The following ETV7 variants were observed in gnomAD, a reference collection of about 807,000 sequenced individuals.
The protein encoded by ETV7 is transcription factor ETV7.
In ETV7, 43 loss-of-function variants were observed where a neutral mutation model predicts 39.1. The observed-to-expected ratio is 1.10, with a 90% CI of 0.86 to 1.42. The LOEUF (loss-of-function observed/expected upper bound fraction) is 1.42. Among genes scored for constraint, ETV7 ranks in the 40% most tolerant of loss-of-function variants. ETV7 has a pLI of 0.00. For synonymous variants in ETV7, 196 were observed against 176.6 expected, an observed-to-expected ratio of 1.11 and a Z score of -0.87; for missense variants, 432 against 442.3, an observed-to-expected ratio of 0.98 and a Z score of 0.21.
chr6:36,374,385 T>C (rs940596434), intron 3 of ETV7, among the ~76,000 whole-genome samples: 1 of 150,902 alleles, frequency 6.6e-6, no homozygotes, highest in Non-Finnish European at 1.5e-5. Flanking sequence ...TTGGGCTCTG[T>C]CCTTGGTCCC....
chr6:36,363,604 G>C (rs1230906793), downstream of ETV7, among the ~76,000 whole-genome samples: 1 of 152,248 alleles, frequency 6.6e-6, no homozygotes, highest in Non-Finnish European at 1.5e-5. Flanking sequence ...CGGTGTCAAA[G>C]GGGACCAGAA....
At position 36,366,896 on chromosome 6, in the gene ETV7, G is replaced by A. The variant is rs745526459; in HGVS notation, c.887C>T (p.Pro296Leu). The stretch of plus-strand genomic sequence containing the variant: ...TCACCTGAACAGGAGTTTCTGCCCC[G>A]GTTCCTTCTTAATGATATTAAGCTT... Reference protein sequence around the residue: ...YYKLNIIKKEPGQKLLFRFLK... With the variant: ...YYKLNIIKKELGQKLLFRFLK... Residue 296 changes from proline (P) to leucine (L), a missense_variant, in exon 7 of 8, where the codon CCG (proline) becomes CTG (leucine). Transcript: ENST00000340181. 5.6e-6 allele frequency: 9 copies of A among 1,613,830 alleles called. No individual in the cohort carries two copies. The East Asian group carries it at 6.7e-5, about 12-fold the overall frequency.
At chr6:36,355,660 A>T (rs1447478332) in intron 7 of ETV7, among the ~76,000 whole-genome samples, 3 of 152,216 alleles carry the variant, frequency 2.0e-5, no homozygotes, top group Non-Finnish European at 4.4e-5. Context: ...TTATCTGCCC[A>T]CCTTGGCTTC....
chr6:36,375,861 T>A lies in ETV7; in HGVS notation c.307+10A>T. ...TCCCGCTTAGAGGAAAGCCTGTGCGTTTCCCTGACCTGAGCTGGGCGCACG... is the reference window on the plus strand; with the variant it reads ...TCCCGCTTAGAGGAAAGCCTGTGCGATTCCCTGACCTGAGCTGGGCGCACG... On this transcript the variant is annotated intron_variant, in intron 3 of 7. Transcript: ENST00000340181. 1 of 1,613,974 alleles carries A rather than the reference T, an allele frequency of 6.2e-7. No homozygotes were observed. Among genetic ancestry groups the A allele is most frequent in the East Asian group, 2.2e-5 (1 of 44,880 alleles).
In ETV7 at chr6:36,366,605, C is replaced by G; in HGVS notation, c.*40G>C. On this transcript the variant is annotated 3_prime_UTR_variant, in exon 8 of 8. Coordinates refer to ENST00000340181, the MANE Select transcript of ETV7 (RefSeq NM_016135.4). ...TCTGCCTTCATGGGAGACTCGGTCCCTGCCCCATCGGTACCGGGTGCCTGG... is the reference window on the plus strand; with the variant it reads ...TCTGCCTTCATGGGAGACTCGGTCCGTGCCCCATCGGTACCGGGTGCCTGG... 1 of 1,613,864 alleles carries G rather than the reference C, an allele frequency of 6.2e-7. No individual in the cohort carries two copies. The highest frequency in any genetic ancestry group is 8.5e-7 in the Non-Finnish European group (1 of 1,179,936).
At chr6:36,373,895 G>A (rs547629484) in intron 3 of ETV7, among the ~76,000 whole-genome samples, 1 of 152,316 alleles carries the variant, frequency 6.6e-6, no homozygotes, top group Admixed American at 6.5e-5. Context: ...GAGGGCTTGT[G>A]CACAGTGCAT....
Position 36,373,523 on chromosome 6 carries a change from C to A in ETV7, c.363G>T (p.Val121=). Residue 121 remains valine, a synonymous_variant, in exon 4 of 8, where the codon GTG becomes GTT. Coordinates refer to ENST00000340181, the MANE Select transcript of ETV7 (RefSeq NM_016135.4). ...QYIKTQRRAL[V]CGPFFGGIFR... is the part of the protein sequence containing the mutation. The stretch of plus-strand genomic sequence containing the variant: ...AGATCCCTCCAAAAAAGGGCCCACA[C>A]ACCAGGGCTCGCCGCTGGGTCTTGA... The A allele has an allele frequency of 6.4e-7, 1 of 1,557,156 alleles. No homozygotes were observed. The highest frequency in any genetic ancestry group is 8.7e-7 in the Non-Finnish European group (1 of 1,151,740).
At chr6:36,359,994 G>A (rs1292500423) in intron 7 of ETV7, among the ~76,000 whole-genome samples, 2 of 152,080 alleles carry the variant, frequency 1.3e-5, no homozygotes, top group Non-Finnish European at 2.9e-5. Context: ...CCGGGTTCAA[G>A]TGATTCTCCT....
intron 2 of ETV7, among the ~76,000 whole-genome samples, chr6:36,378,215 G>A (rs1364684205): frequency 6.8e-6 from 1 of 147,374 alleles, no homozygotes; most frequent in African/African-American, 2.5e-5. Flanking sequence ...TTAATTCAGA[G>A]GGAAAGGATA....
chr6:36,376,989 A>G (rs1055904554), intron 2 of ETV7, among the ~76,000 whole-genome samples: 1 of 152,086 alleles, frequency 6.6e-6, no homozygotes, highest in Non-Finnish European at 1.5e-5. Flanking sequence ...TCCTACACTC[A>G]CCTTCAGTGC....
chr6:36,361,733 T>C (rs1022149651), downstream of ETV7, among the ~76,000 whole-genome samples: 4 of 152,266 alleles, frequency 2.6e-5, no homozygotes, highest in Non-Finnish European at 5.9e-5. Flanking sequence ...CAGTGACTTG[T>C]ATTATTTGTT....
downstream of ETV7, among the ~76,000 whole-genome samples, chr6:36,363,560 C>T (rs1442600641): frequency 1.1e-4 from 17 of 152,228 alleles, no homozygotes; most frequent in South Asian, 1.2e-3. Flanking sequence ...ATAAAAGCAG[C>T]GTGGACCCAA....
chr6:36,358,692 G>A (rs1336112278), intron 7 of ETV7, among the ~76,000 whole-genome samples: 1 of 152,156 alleles, frequency 6.6e-6, no homozygotes, highest in South Asian at 2.1e-4. Flanking sequence ...TGCACGCCAC[G>A]TTCAGCCACC....
At chr6:36,373,601 G>GGGGC (rs2127392877) in intron 3 of ETV7, 23 bp from the exon 4 acceptor site, 18 of 475,606 alleles carry the variant, frequency 3.8e-5, no homozygotes, top group Non-Finnish European at 6.4e-5. Context: ...GGGAGGGAGG[G>GGGGC]CAGGCTGCTG....
chr6:36,382,109 C>G (rs1773685563), intron 2 of ETV7, among the ~76,000 whole-genome samples: 1 of 152,174 alleles, frequency 6.6e-6, no homozygotes, highest in African/African-American at 2.4e-5. Context: ...CCACATCCAT[C>G]TAATCTCCTG....
chr6:36,355,373 A>G (rs1247147743), intron 7 of ETV7, among the ~76,000 whole-genome samples: 3 of 151,194 alleles, frequency 2.0e-5, no homozygotes, highest in Admixed American at 6.6e-5. Context: ...TTAGTGTGGT[A>G]TATAACACTG....
intron 1 of ETV7, 145 bp from the exon 2 acceptor site, chr6:36,385,814 G>T (rs1773872030): frequency 1.2e-6 from 1 of 806,088 alleles, no homozygotes; most frequent in Non-Finnish European, 1.9e-6. Flanking sequence ...TAGGAACCAT[G>T]TATATCTTCA....
intron 7 of ETV7, among the ~76,000 whole-genome samples, chr6:36,359,899 C>CCT (rs1554144765): frequency 2.7e-4 from 40 of 146,820 alleles, no homozygotes; most frequent in Non-Finnish European, 5.7e-4. Context: ...AGCCTCAGTC[C>CCT]TTTTTTTTTT....
At chr6:36,363,633 T>TG (rs1407520225), downstream of ETV7, among the ~76,000 whole-genome samples, 8 of 152,234 alleles carry the variant, frequency 5.3e-5, no homozygotes, top group Non-Finnish European at 5.9e-5. Context: ...CACTGCTAGC[T>TG]GGGGCAGCCT....
Sources: allele counts gnomAD v4.1 joint callset (sites outside exome capture counted in the v4.1 genomes callset), GRCh38; gene constraint gnomAD v4.1.1; transcripts MANE v1.5; gene names NCBI Gene and HGNC (gene_info 2026-07-23, HGNC 2026-07-21).